WEE2: variants seen among roughly 807,000 people sequenced by gnomAD.
WEE2 encodes WEE2 oocyte meiosis inhibiting kinase.
Under a neutral mutation model 60.1 loss-of-function variants are expected in WEE2, and 50 were observed. That is an observed-to-expected ratio of 0.83 (90% confidence interval 0.66 to 1.05). The LOEUF (loss-of-function observed/expected upper bound fraction) is 1.05, where lower values mean the gene tolerates loss of function less well. WEE2 is among the 50% of genes least tolerant of loss of function. The pLI is 0.00. For missense variants in WEE2, 631 were observed against 684.3 expected, an observed-to-expected ratio of 0.92 and a Z score of 0.87; for synonymous variants, 240 against 241.0, an observed-to-expected ratio of 1.00 and a Z score of 0.04.
chr7:141,724,408 C>T, intron 8 of WEE2, 133 bp downstream of exon 8: 1 of 788,204 alleles, frequency 1.3e-6, no homozygotes, highest in Non-Finnish European at 2.0e-6. Flanking sequence ...AGAATGGAGA[C>T]CAAAGATAGG....
rs1202814904 is a variant in WEE2 at position 141,714,402 on chromosome 7, A to T, written c.536A>T (p.Asp179Val). 1.2e-6 allele frequency: 2 copies of T among 1,608,120 alleles called. No homozygotes were observed. Among genetic ancestry groups the T allele is most frequent in the East Asian group, 2.2e-5 (1 of 44,856 alleles). Residue 179 changes from aspartate to valine, a missense_variant, in exon 2 of 12, where the codon GAT (aspartate) becomes GTT (valine). Physicochemically the swap from Asp to Val is radical, Grantham distance 152. Coordinates refer to ENST00000397541, the MANE Select transcript of WEE2 (RefSeq NM_001105558.1). ...QSGGKRKIRG[D>V]LEEAGPEEGK... ...GGTGGCAAGAGGAAAATAAGAGGAG[A>T]TCTGTAAGTGCTCTATTACTTATGA... is the stretch of plus-strand genomic sequence containing the variant.
chr7:141,718,438 A>G (rs766481365), intron 3 of WEE2, among the ~76,000 whole-genome samples: 15 of 152,124 alleles, frequency 9.9e-5, no homozygotes, highest in Non-Finnish European at 1.6e-4. Flanking sequence ...GGAAAACTGA[A>G]AGGAGTTCAG....
Position 141,724,041 on chromosome 7 carries a change from T to C in WEE2, c.1128T>C (p.Tyr376=). The C allele has an allele frequency of 6.2e-7, 1 of 1,611,786 alleles. No individual in the cohort carries two copies. The highest frequency in any genetic ancestry group is 8.5e-7 in the Non-Finnish European group (1 of 1,178,630). ...ADWFLSANVM[Y]KIGDLGHATS... Reference sequence around the variant, plus strand: ...GGTTTCTCTCTGCCAATGTGATGTATAAAATTGGTTAGTCTGCCTTATAGC... The same window carrying C: ...GGTTTCTCTCTGCCAATGTGATGTACAAAATTGGTTAGTCTGCCTTATAGC... The change falls in exon 7 of 12, where the codon TAT becomes TAC. Residue 376 remains tyrosine (Y), a synonymous_variant. Transcript: ENST00000397541.
intron 9 of WEE2, among the ~76,000 whole-genome samples, chr7:141,726,877 T>C (rs1799027231): frequency 6.6e-6 from 1 of 152,162 alleles, no homozygotes. Flanking sequence ...TTAAAATAAA[T>C]GCTTCAGGAA....
chr7:141,715,401 A>G, intron 2 of WEE2, among the ~76,000 whole-genome samples: 1 of 152,196 alleles, frequency 6.6e-6, no homozygotes, highest in East Asian at 1.9e-4. Context: ...TATAATTTAT[A>G]AACACTTCAT....
rs534269531 is a variant in WEE2, at chr7:141,729,409, C to T, written c.1536-122C>T. On this transcript the variant is annotated intron_variant, in intron 10 of 11. Transcript: ENST00000397541. ...ACTGAATTTTCTATTCTGTACATAG[C>T]TCAGGCTTTTCGTTTCTGTAAATAC... 2.2e-4 allele frequency: 301 copies of T among 1,338,462 alleles called. 5 individuals are homozygous for T. The South Asian group carries it at 3.6e-3, about 16-fold the overall frequency. 82.9% of individuals were successfully genotyped at this position (1,338,462 alleles called of 1,614,324 possible).
chr7:141,726,201 AG>A (rs1226142922), intron 9 of WEE2, among the ~76,000 whole-genome samples: 7 of 152,230 alleles, frequency 4.6e-5, no homozygotes, highest in Non-Finnish European at 7.3e-5. Context: ...TCATGTCTTA[AG>A]GAACAGGATT....
At chr7:141,725,004 C>T (rs756148499) in intron 8 of WEE2, 22 bp from the exon 9 acceptor site, 15 of 1,606,518 alleles carry the variant, frequency 9.3e-6, no homozygotes, top group Non-Finnish European at 1.2e-5. Context: ...AGTAACTGGC[C>T]TTCCTGTCTT....
At position 141,723,121 on chromosome 7, in the gene WEE2, T is replaced by G; in HGVS notation, c.881-13T>G. Reference sequence around the variant, plus strand: ...CTCATACTGTGGGGCTGTTCTCTGTTGTTCTTTCCCAGGTGGGAGTTTGCA... The same window carrying G: ...CTCATACTGTGGGGCTGTTCTCTGTGGTTCTTTCCCAGGTGGGAGTTTGCA... On this transcript the variant is annotated splice_polypyrimidine_tract_variant and intron_variant, in intron 5 of 11. Coordinates refer to ENST00000397541, the MANE Select transcript of WEE2 (RefSeq NM_001105558.1). 1 of 1,613,982 alleles carries G rather than the reference T, an allele frequency of 6.2e-7. No individual in the cohort carries two copies. The highest frequency in any genetic ancestry group is 2.2e-5 in the East Asian group (1 of 44,884).
At chr7:141,710,316 T>C (rs1194231811) in intron 1 of WEE2, among the ~76,000 whole-genome samples, 4 of 152,046 alleles carry the variant, frequency 2.6e-5, no homozygotes, top group African/African-American at 7.2e-5. Flanking sequence ...AAGAAAGGTA[T>C]AGGAAGGGCA....
At chr7:141,723,847 G>A in intron 6 of WEE2, 94 bp from the exon 7 acceptor site, 3 of 812,984 alleles carry the variant, frequency 3.7e-6, no homozygotes, top group Non-Finnish European at 5.7e-6. Context: ...AAGAAGAAAG[G>A]AGAGAAGCTG....
chr7:141,708,921 C>G lies in WEE2; in HGVS notation c.163C>G (p.Pro55Ala). 1 of 1,614,178 alleles carries G rather than the reference C, an allele frequency of 6.2e-7. No homozygotes were observed. The highest frequency in any genetic ancestry group is 8.5e-7 in the Non-Finnish European group (1 of 1,180,022). Residue 55 changes from proline (P) to alanine (A), a missense_variant, in exon 1 of 12, where the codon CCA (proline) becomes GCA (alanine). Transcript: ENST00000397541. Reference protein sequence around the residue: ...EVQDSEAKGTPPWTPLSNVHE... With the variant: ...EVQDSEAKGTAPWTPLSNVHE... ...GCAGGATTCAGAGGCAAAGGGTACA[C>G]CACCTTGGACTCCCCTTAGCAACGT...
rs1048624433 is a variant in WEE2, at chr7:141,708,564, G to A, written c.-195G>A. The A allele has an allele frequency of 1.7e-6, 1 of 595,322 alleles. No homozygotes were observed. Among genetic ancestry groups the A allele is most frequent in the African/African-American group, 1.9e-5 (1 of 53,746 alleles). 36.9% of individuals were successfully genotyped at this position (595,322 alleles called of 1,614,324 possible). A position where few individuals can be genotyped will look rare whatever the true frequency, so the allele number is the denominator to read the frequency against. On this transcript the variant is annotated 5_prime_UTR_variant, in exon 1 of 12. It removes the in-frame stop codon of an upstream open reading frame in the 5' UTR. Coordinates refer to ENST00000397541, the MANE Select transcript of WEE2 (RefSeq NM_001105558.1). ...ATCAGAATGGAAATCAGGATAAGCT[G>A]AGGTCTTATAGATTGGTGGTACTTA...
At chr7:141,719,281 A>C (rs779725536) in intron 4 of WEE2, 37 bp downstream of exon 4, 1 of 1,517,272 alleles carries the variant, frequency 6.6e-7, no homozygotes, top group South Asian at 1.2e-5. Flanking sequence ...ATATAAACTT[A>C]GATTTGGAGA....
chr7:141,726,228 A>G (rs1402283016), intron 9 of WEE2, among the ~76,000 whole-genome samples: 1 of 152,146 alleles, frequency 6.6e-6, no homozygotes, highest in Non-Finnish European at 1.5e-5. Flanking sequence ...GGATTCCCAA[A>G]ACAGCCTTAG....
intron 1 of WEE2, among the ~76,000 whole-genome samples, chr7:141,712,441 C>T (rs1798723429): frequency 6.6e-6 from 1 of 152,178 alleles, no homozygotes; most frequent in Non-Finnish European, 1.5e-5. Context: ...CACATTTATA[C>T]TCTCAACCTG....
chr7:141,710,708 G>T (rs1798695828), intron 1 of WEE2, among the ~76,000 whole-genome samples: 1 of 152,128 alleles, frequency 6.6e-6, no homozygotes, highest in Non-Finnish European at 1.5e-5. Flanking sequence ...CTAGGCAAAG[G>T]GAAAAGCATC....
At chr7:141,727,663 T>C (rs1270842963) in intron 10 of WEE2, 1 of 525,518 alleles carries the variant, frequency 1.9e-6, no homozygotes, top group Non-Finnish European at 3.2e-6. Flanking sequence ...AAAATTCCAG[T>C]TAACGCAAAC....
intron 9 of WEE2, among the ~76,000 whole-genome samples, chr7:141,726,272 T>A (rs1363799095): frequency 6.6e-6 from 1 of 152,082 alleles, no homozygotes; most frequent in Non-Finnish European, 1.5e-5. Flanking sequence ...AGATTTTTTT[T>A]ATTTTTATTT....
Sources: gnomAD v4.1 joint callset for allele counts (sites outside exome capture counted in the v4.1 genomes callset) on GRCh38, gnomAD v4.1.1 for gene constraint, MANE v1.5 for transcripts, NCBI Gene and HGNC (gene_info 2026-07-23, HGNC 2026-07-21) for gene names.